Variants in LARGE1 observed in about 807,000 individuals in gnomAD.
LARGE1 encodes xylosyl- and glucuronyltransferase LARGE1.
LARGE1 carries 43 observed loss-of-function variants against 87.6 expected under a neutral mutation model. The observed-to-expected ratio is 0.49, with a 90% CI of 0.38 to 0.63. The LOEUF is 0.63. LARGE1 is among the 30% of genes least tolerant of loss of function. The pLI is 0.00. For missense variants in LARGE1, 802 were observed against 1,000.2 expected (o/e 0.80, Z 2.67); for synonymous variants, 434 against 394.6 (o/e 1.10, Z -1.18).
chr22:33,218,369 C>T (rs1292271242), intron 11 of LARGE1, among the ~76,000 whole-genome samples: 2 of 152,158 alleles, frequency 1.3e-5, no homozygotes, highest in Admixed American at 6.5e-5. Context: ...ATATGCATAC[C>T]ATTGTTTTTG....
At chr22:33,639,681 C>A (rs755158857) in intron 3 of LARGE1, among the ~76,000 whole-genome samples, 3 of 152,208 alleles carry the variant, frequency 2.0e-5, no homozygotes, top group South Asian at 2.1e-4. Flanking sequence ...GTTCCAGTGA[C>A]TGTTTTTTCT....
At chr22:33,373,806 C>T (rs1348229685) in intron 9 of LARGE1, among the ~76,000 whole-genome samples, 1 of 151,940 alleles carries the variant, frequency 6.6e-6, no homozygotes, top group East Asian at 1.9e-4. Context: ...AACCCTGTCT[C>T]TACTAAAAAT....
intron 5 of LARGE1, among the ~76,000 whole-genome samples, chr22:33,585,993 C>T (rs140549110): frequency 6.6e-6 from 1 of 152,304 alleles, no homozygotes; most frequent in East Asian, 1.9e-4. Flanking sequence ...GCCACTGCAC[C>T]CGGCCCACTC....
chr22:33,564,542 C>T (rs774646666), intron 6 of LARGE1, among the ~76,000 whole-genome samples: 13 of 152,162 alleles, frequency 8.5e-5, no homozygotes, highest in Non-Finnish European at 1.5e-4. Flanking sequence ...AAAAAGAAAA[C>T]CAATGAACAC....
At chr22:33,441,072 T>TTTTTTTTTTTTC (rs11461610) in intron 6 of LARGE1, among the ~76,000 whole-genome samples, 1 of 32,432 alleles carries the variant, frequency 3.1e-5, no homozygotes, top group Non-Finnish European at 6.8e-5. Flanking sequence ...TTGTTTGAAC[T>TTTTTTTTTTTTC]TTTTTTTTTT....
intron 13 of LARGE1, among the ~76,000 whole-genome samples, 189 bp downstream of exon 13, chr22:33,283,013 T>A (rs1480592469): frequency 2.0e-5 from 3 of 152,154 alleles, no homozygotes; most frequent in African/African-American, 7.2e-5. Context: ...AAAAAGTACA[T>A]GGCACGTACC....
chr22:33,337,556 G>A, intron 10 of LARGE1, 90 bp downstream of exon 10: 11 of 1,490,300 alleles, frequency 7.4e-6, no homozygotes, highest in Middle Eastern at 2.0e-4. Flanking sequence ...GTCCTGCCAT[G>A]AGCCTGACAT....
intron 1 of LARGE1, among the ~76,000 whole-genome samples, chr22:33,780,939 G>C (rs970586734): frequency 2.0e-5 from 3 of 152,352 alleles, no homozygotes; most frequent in Admixed American, 6.5e-5. Context: ...ATAAGTGCTA[G>C]GTCATTAGTT....
At chr22:33,713,092 T>C (rs1163682155) in intron 2 of LARGE1, among the ~76,000 whole-genome samples, 2 of 152,160 alleles carry the variant, frequency 1.3e-5, no homozygotes, top group African/African-American at 2.4e-5. Context: ...CAGTGCTTCA[T>C]TTCATATCTA....
At chr22:33,867,541 G>A (rs1043901312) in intron 1 of LARGE1, among the ~76,000 whole-genome samples, 2 of 152,144 alleles carry the variant, frequency 1.3e-5, no homozygotes, top group African/African-American at 4.8e-5. Context: ...TTCACGACAA[G>A]GGGCTTTCCC....
At chr22:33,380,591 C>T (rs567452256) in intron 9 of LARGE1, among the ~76,000 whole-genome samples, 1 of 152,282 alleles carries the variant, frequency 6.6e-6, no homozygotes, top group Non-Finnish European at 1.5e-5. Flanking sequence ...CCATGTGGCT[C>T]ACCCAGAAAA....
At chr22:33,568,195 A>G (rs912429798) in intron 5 of LARGE1, among the ~76,000 whole-genome samples, 10 of 152,172 alleles carry the variant, frequency 6.6e-5, no homozygotes, top group African/African-American at 2.4e-4. Flanking sequence ...GACCTTCAGC[A>G]GAGGGACACA....
At chr22:33,463,131 T>G (rs941665544) in intron 6 of LARGE1, among the ~76,000 whole-genome samples, 2 of 151,742 alleles carry the variant, frequency 1.3e-5, no homozygotes, top group African/African-American at 2.4e-5. Flanking sequence ...CAATATCAAG[T>G]GGCAGAAATA....
chr22:33,643,871 G>A (rs930267462), intron 3 of LARGE1, among the ~76,000 whole-genome samples: 6 of 152,060 alleles, frequency 3.9e-5, no homozygotes, highest in African/African-American at 1.4e-4. Flanking sequence ...GGAAGAAATC[G>A]AATCCCTGAA....
chr22:33,651,563 T>G (rs769690325), intron 2 of LARGE1, among the ~76,000 whole-genome samples: 26 of 152,180 alleles, frequency 1.7e-4, no homozygotes, highest in Non-Finnish European at 2.9e-5. Context: ...CCGAAATAAT[T>G]TGTATGTAGC....
intron 2 of LARGE1, among the ~76,000 whole-genome samples, chr22:33,667,642 TG>T (rs2081305249): frequency 6.6e-6 from 1 of 152,226 alleles, no homozygotes; most frequent in Non-Finnish European, 1.5e-5. Flanking sequence ...TTATTAACTC[TG>T]GGTCTCTTCA....
At chr22:33,877,718 T>C (rs548351768) in intron 1 of LARGE1, among the ~76,000 whole-genome samples, 3 of 151,966 alleles carry the variant, frequency 2.0e-5, no homozygotes, top group Admixed American at 6.6e-5. Flanking sequence ...AGGTCACGAG[T>C]TCGAGACCAG....
At chr22:33,120,391 T>TTTCTTTCTTTC in the LARGE1 span, among the ~76,000 whole-genome samples, 1 of 97,670 alleles carries the variant, frequency 1.0e-5, no homozygotes, top group African/African-American at 6.3e-5. Context: ...TCTTTCTTTC[T>TTTCTTTCTTTC]TTCTTTCTTT....
At chr22:33,747,055 A>T (rs986312668) in intron 2 of LARGE1, among the ~76,000 whole-genome samples, 2 of 152,158 alleles carry the variant, frequency 1.3e-5, no homozygotes, top group Non-Finnish European at 2.9e-5. Context: ...ATATTAAACA[A>T]ATGCCCCAGG....
Sources: gnomAD v4.1 joint callset for allele counts (sites outside exome capture counted in the v4.1 genomes callset) on GRCh38, gnomAD v4.1.1 for gene constraint, MANE v1.5 for transcripts, NCBI Gene and HGNC (gene_info 2026-07-23, HGNC 2026-07-21) for gene names.